The following ATF7IP variants were observed in gnomAD, a reference collection of about 807,000 sequenced individuals.
ATF7IP encodes activating transcription factor 7 interacting protein, also known as activating transcription factor 7-interacting protein 1.
A neutral mutation model predicts 106.4 loss-of-function variants in ATF7IP; 23 were observed. The observed-to-expected ratio is 0.22, with a 90% CI of 0.16 to 0.31. ATF7IP has a LOEUF of 0.31. ATF7IP is among the 10% of genes least tolerant of loss of function. The pLI, the probability that ATF7IP is intolerant of heterozygous loss-of-function variation, is 1.00. For missense variants in ATF7IP, 1,334 were observed against 1,524.3 expected (o/e 0.88, Z 2.08); for synonymous variants, 542 against 539.0 (o/e 1.01, Z -0.08).
chr12:14,492,669 C>T (rs1944868146), intron 13 of ATF7IP, among the ~76,000 whole-genome samples: 1 of 152,194 alleles, frequency 6.6e-6, no homozygotes. Flanking sequence ...TGCCAGAGAT[C>T]TATACAAGTC....
In ATF7IP at chr12:14,481,168, A is replaced by G; in HGVS notation, c.3263A>G (p.Gln1088Arg). 6.2e-7 allele frequency: 1 copy of G among 1,613,906 alleles called. No individual in the cohort carries two copies. The highest frequency in any genetic ancestry group is 8.5e-7 in the Non-Finnish European group (1 of 1,179,956). ...GTVMQAPAVR[Q>R]VNPQNSVTVR... ...GTTATGCAGGCTCCTGCTGTTCGGC[A>G]GGTCAATCCCCAAAATAGTAAGAGA... The change falls in exon 13 of 15, where the codon CAG becomes CGG. Residue 1088 changes from glutamine (Q) to arginine (R), a missense_variant. Transcript: ENST00000261168.
intron 5 of ATF7IP, among the ~76,000 whole-genome samples, chr12:14,441,632 G>A (rs1293569935): frequency 1.3e-5 from 2 of 151,910 alleles, no homozygotes; most frequent in Non-Finnish European, 2.9e-5. Flanking sequence ...TGGGACTACA[G>A]GCGTCTGCCA....
At chr12:14,472,571 C>T (rs144742875) in intron 10 of ATF7IP, among the ~76,000 whole-genome samples, 6 of 152,228 alleles carry the variant, frequency 3.9e-5, no homozygotes, top group African/African-American at 1.4e-4. Context: ...CCAGATCTTT[C>T]CCATTTTTCT....
chr12:14,488,821 A>T (rs537474933), intron 13 of ATF7IP, among the ~76,000 whole-genome samples: 1 of 152,332 alleles, frequency 6.6e-6, no homozygotes, highest in South Asian at 2.1e-4. Flanking sequence ...AGTTAACAAT[A>T]CTTAAATGTT....
chr12:14,416,985 A>AG lies in ATF7IP; in HGVS notation c.-7-6918dup, dbSNP rs898819821. On this transcript the variant is annotated intron_variant, in intron 1 of 14. Coordinates refer to ENST00000261168, the MANE Select transcript of ATF7IP (RefSeq NM_018179.5). ...AAATTACAAGGTTCATCTGTAAGGAAGGGGGGAAATGAGGTTTATTTTTAA... is the reference window on the plus strand; with the variant it reads ...AAATTACAAGGTTCATCTGTAAGGAAGGGGGGGAAATGAGGTTTATTTTTAA... 2.1e-5 allele frequency: 21 copies of AG among 980,674 alleles called. No homozygotes were observed. The African/African-American group carries it at 3.3e-4, about 15-fold the overall frequency. 60.7% of individuals were successfully genotyped at this position (980,674 alleles called of 1,614,324 possible). A position where few individuals can be genotyped will look rare whatever the true frequency, so the allele number is the denominator to read the frequency against.
intron 10 of ATF7IP, among the ~76,000 whole-genome samples, chr12:14,473,411 C>T (rs1008311247): frequency 6.0e-5 from 9 of 151,210 alleles, no homozygotes; most frequent in African/African-American, 2.2e-4. Context: ...CATTTACCTC[C>T]TTAATGAAGT....
intron 1 of ATF7IP, among the ~76,000 whole-genome samples, chr12:14,418,331 T>A (rs1941309697): frequency 6.6e-6 from 1 of 152,186 alleles, no homozygotes; most frequent in African/African-American, 2.4e-5. Flanking sequence ...GAGAAACTAG[T>A]TCATCATGTT....
intron 3 of ATF7IP, among the ~76,000 whole-genome samples, chr12:14,435,325 A>C (rs928325015): frequency 1.3e-5 from 2 of 152,194 alleles, no homozygotes; most frequent in African/African-American, 4.8e-5. Context: ...TAAGATTGTA[A>C]GAGAAATTGT....
At chr12:14,372,146 T>C (rs750185760) in intron 1 of ATF7IP, among the ~76,000 whole-genome samples, 13 of 152,134 alleles carry the variant, frequency 8.5e-5, no homozygotes, top group Non-Finnish European at 1.5e-4. Flanking sequence ...AGGCCAAGAG[T>C]ATTTAAACAT....
At chr12:14,436,728 A>G (rs1295866711) in intron 4 of ATF7IP, among the ~76,000 whole-genome samples, 1 of 151,982 alleles carries the variant, frequency 6.6e-6, no homozygotes, top group Non-Finnish European at 1.5e-5. Flanking sequence ...TAAGTCTATT[A>G]CTATCCTTGA....
At chr12:14,391,746 A>G (rs1278883574) in intron 1 of ATF7IP, among the ~76,000 whole-genome samples, 2 of 152,148 alleles carry the variant, frequency 1.3e-5, no homozygotes, top group African/African-American at 4.8e-5. Context: ...TTTGAGACAG[A>G]GTTTTGCTCT....
intron 11 of ATF7IP, among the ~76,000 whole-genome samples, chr12:14,477,075 G>A (rs78046759): frequency 4.9e-4 from 74 of 152,202 alleles, no homozygotes; most frequent in African/African-American, 1.6e-3. Context: ...GCAAAATAAC[G>A]TTCAGCTACA....
At chr12:14,417,521 G>T (rs543089825) in intron 1 of ATF7IP, among the ~76,000 whole-genome samples, 1 of 151,802 alleles carries the variant, frequency 6.6e-6, no homozygotes, top group Admixed American at 6.6e-5. Flanking sequence ...TTATATGTAT[G>T]GTCTATGGAA....
At chr12:14,490,083 A>G (rs1351079393) in intron 13 of ATF7IP, among the ~76,000 whole-genome samples, 2 of 152,218 alleles carry the variant, frequency 1.3e-5, no homozygotes, top group East Asian at 3.8e-4. Context: ...GGCATTAGCC[A>G]TAGTCACGTC....
chr12:14,413,932 A>G (rs1223090833), intron 1 of ATF7IP, among the ~76,000 whole-genome samples: 1 of 152,190 alleles, frequency 6.6e-6, no homozygotes, highest in African/African-American at 2.4e-5. Context: ...TTTTTATTTC[A>G]TAATAAAAAA....
At chr12:14,401,714 CTTT>C (rs3083699) in intron 1 of ATF7IP, among the ~76,000 whole-genome samples, 22 of 76,858 alleles carry the variant, frequency 2.9e-4, no homozygotes, top group Admixed American at 7.2e-4. Flanking sequence ...AGAGATTAAG[CTTT>C]TTTTTTTTTT....
In ATF7IP at chr12:14,483,482, T is replaced by G. The variant is rs149939645; in HGVS notation, c.3280+2297T>G. On this transcript the variant is annotated intron_variant, in intron 13 of 14. Transcript: ENST00000261168. ...TCCAGGTGGCAATCTTAAGTTCCAG[T>G]TTAATGGAATCATTTTGTCTCCTGG... is the stretch of plus-strand genomic sequence containing the variant. 2.6e-5 allele frequency among the ~76,000 whole-genome samples: 4 copies of G among 152,250 alleles called. 1 individual carries two copies. The East Asian group carries it at 7.7e-4, about 29-fold the overall frequency.
At chr12:14,415,114 CT>C (rs1047135229) in intron 1 of ATF7IP, among the ~76,000 whole-genome samples, 4 of 152,042 alleles carry the variant, frequency 2.6e-5, no homozygotes, top group Admixed American at 6.6e-5. Flanking sequence ...AATACAAGAC[CT>C]TCTGTAACTT....
At position 14,457,198 on chromosome 12, in the gene ATF7IP, A is replaced by G. The variant is rs535706497; in HGVS notation, c.2070-9A>G. 7 of 1,608,884 alleles carry G rather than the reference A, an allele frequency of 4.4e-6. No homozygotes were observed. In the African/African-American group the frequency reaches 8.0e-5, roughly 18 times the overall value. On this transcript the variant is annotated splice_polypyrimidine_tract_variant and intron_variant, in intron 7 of 14. Transcript: ENST00000261168. ...CTATTGACTATTGGTGTGTATATGT[A>G]TTTCATAGAAATGCAGGCACAGTGA... is the stretch of plus-strand genomic sequence containing the variant.
Sources: gnomAD v4.1 joint callset for allele counts (sites outside exome capture counted in the v4.1 genomes callset) on GRCh38, gnomAD v4.1.1 for gene constraint, MANE v1.5 for transcripts, NCBI Gene and HGNC (gene_info 2026-07-23, HGNC 2026-07-21) for gene names.